COL5A1: variants seen among roughly 807,000 people sequenced by gnomAD.
COL5A1 encodes collagen type V alpha 1 chain, also known as collagen alpha-1(V) chain.
COL5A1 carries 16 observed loss-of-function variants against 263.7 expected under a neutral mutation model. That is an observed-to-expected ratio of 0.06 (90% CI 0.04 to 0.09). The LOEUF (loss-of-function observed/expected upper bound fraction) is 0.09. Among genes scored for constraint, COL5A1 ranks in the 10% least tolerant of loss-of-function variants. The probability of loss-of-function intolerance (pLI) is 1.00; values close to 1 mark genes in which losing one functional copy is unlikely to be tolerated. For missense variants in COL5A1, 2,036 were observed against 2,540.5 expected (o/e 0.80, Z 4.27); for synonymous variants, 1,012 against 1,004.5 (o/e 1.01, Z -0.14).
At chr9:134,708,979 G>A (rs1564402206) in intron 4 of COL5A1, 2 of 456,314 alleles carry the variant, frequency 4.4e-6, no homozygotes, top group Admixed American at 2.4e-5. Flanking sequence ...TTCCCCCTGT[G>A]TCTCTCTGTG....
At position 134,772,815 on chromosome 9, in the gene COL5A1, C is replaced by T; in HGVS notation, c.2312C>T (p.Pro771Leu). The T allele has an allele frequency of 6.2e-7, 1 of 1,614,028 alleles. No homozygotes were observed. The highest frequency in any genetic ancestry group is 8.5e-7 in the Non-Finnish European group (1 of 1,180,030). ...GGACACCCTGGCAAAGAAGGCCCTC[C>T]AGGAGAGAAAGGAGGTCAGGTGGGT... ...PPGHPGKEGP[P>L]GEKGGQGPPG... Residue 771 changes from proline to leucine, a missense_variant, in exon 26 of 66, where the codon CCA (proline) becomes CTA (leucine). Physicochemically the swap from Pro to Leu is moderately conservative, Grantham distance 98. Transcript: ENST00000371817.
At chr9:134,783,390 G>A (rs1367796267) in intron 29 of COL5A1, among the ~76,000 whole-genome samples, 11 of 152,224 alleles carry the variant, frequency 7.2e-5, no homozygotes, top group Admixed American at 7.2e-4. Flanking sequence ...CGGGCTGCAC[G>A]TTCCTGTAAT....
At chr9:134,718,654 G>A (rs781092398) in intron 4 of COL5A1, among the ~76,000 whole-genome samples, 6 of 152,180 alleles carry the variant, frequency 3.9e-5, no homozygotes, top group East Asian at 1.9e-4. Flanking sequence ...GGGAGCCCAC[G>A]GCCGTTCTGT....
At chr9:134,701,446 G>A in intron 4 of COL5A1, 113 bp downstream of exon 4, 2 of 1,024,862 alleles carry the variant, frequency 2.0e-6, no homozygotes, top group Non-Finnish European at 1.5e-6. Context: ...GCGGTCCACT[G>A]TGGTCACCGT....
intron 39 of COL5A1, 50 bp from the exon 40 acceptor site, chr9:134,804,925 A>C: frequency 6.6e-7 from 1 of 1,505,648 alleles, no homozygotes; most frequent in Non-Finnish European, 9.2e-7. Flanking sequence ...GGCTGGTGAG[A>C]GGTCTGCGTC....
intron 32 of COL5A1, among the ~76,000 whole-genome samples, chr9:134,790,576 A>G (rs1274330483): frequency 3.1e-5 from 2 of 65,262 alleles, no homozygotes; most frequent in African/African-American, 1.4e-4. Flanking sequence ...CCACCCATCC[A>G]TCCATCCATC....
chr9:134,783,458 A>G (rs7026153), intron 29 of COL5A1, among the ~76,000 whole-genome samples: 7,081 of 152,244 alleles, frequency 0.047, 526 homozygotes, highest in African/African-American at 0.16. Context: ...TAGAGCAGCC[A>G]GGGTGGCCAA....
chr9:134,708,164 A>G (rs1588456985), intron 4 of COL5A1, among the ~76,000 whole-genome samples: 1 of 152,234 alleles, frequency 6.6e-6, no homozygotes, highest in East Asian at 1.9e-4. Context: ...GGCTGGGCCA[A>G]CTCTGACTTC....
At chr9:134,781,073 G>A (rs1486550006) in intron 28 of COL5A1, among the ~76,000 whole-genome samples, 1 of 152,252 alleles carries the variant, frequency 6.6e-6, no homozygotes, top group Non-Finnish European at 1.5e-5. Context: ...CTCCTTATTT[G>A]CTACCTGTCG....
chr9:134,733,995 T>A (rs887837755), intron 9 of COL5A1, among the ~76,000 whole-genome samples: 1 of 152,068 alleles, frequency 6.6e-6, no homozygotes, highest in Admixed American at 6.5e-5. Flanking sequence ...CCCAGTTCGG[T>A]TTCCCCTCCC....
Position 134,751,133 on chromosome 9 carries a change from C to CAT in COL5A1, c.1662+251_1662+252insAT, listed in dbSNP as rs1564431676. ...CAGTGTCCAGTAGGGGCCCCGAGAG[C>CAT]GTGTCACTGTCCAGTAGGGACCCCG... On this transcript the variant is annotated intron_variant, in intron 13 of 65. Transcript: ENST00000371817. Among the ~76,000 whole-genome samples the CAT allele has an allele frequency of 5.3e-5, 8 of 150,908 alleles. No individual in the cohort carries two copies. In the East Asian group the frequency reaches 9.9e-4, roughly 19 times the overall value.
At chr9:134,771,274 A>G (rs1322638867) in intron 25 of COL5A1, among the ~76,000 whole-genome samples, 2 of 152,232 alleles carry the variant, frequency 1.3e-5, no homozygotes, top group African/African-American at 2.4e-5. Context: ...AGAAAGTGTA[A>G]TAAAGGGCCA....
At chr9:134,815,738 G>GACATT in intron 51 of COL5A1, 109 bp downstream of exon 51, 1 of 1,354,610 alleles carries the variant, frequency 7.4e-7, no homozygotes, top group Non-Finnish European at 1.0e-6. Context: ...CTCCCACTGG[G>GACATT]GCAGGCAATG....
chr9:134,809,367 G>A (rs1340140271), intron 43 of COL5A1, 77 bp downstream of exon 43: 1 of 1,146,928 alleles, frequency 8.7e-7, no homozygotes, highest in Non-Finnish European at 1.3e-6. Flanking sequence ...GAATTTAAAG[G>A]ACAGGATGCT....
At chr9:134,669,959 C>T (rs924271100) in intron 1 of COL5A1, among the ~76,000 whole-genome samples, 5 of 152,220 alleles carry the variant, frequency 3.3e-5, no homozygotes, top group Admixed American at 6.5e-5. Context: ...CTAAAAGGAA[C>T]GCATACTCAT....
chr9:134,730,094 A>T (rs1286240316), intron 6 of COL5A1, 142 bp from the exon 7 acceptor site: 8 of 1,280,214 alleles, frequency 6.2e-6, no homozygotes, highest in Non-Finnish European at 8.9e-6. Flanking sequence ...CCTGCACCCA[A>T]GAGGTCTCTG....
chr9:134,785,876 C>T, intron 30 of COL5A1, 119 bp from the exon 31 acceptor site: 1 of 910,508 alleles, frequency 1.1e-6, no homozygotes, highest in Non-Finnish European at 1.8e-6. Context: ...GTGCCCCCGC[C>T]TCTGGAAACC....
intron 60 of COL5A1, 45 bp from the exon 61 acceptor site, chr9:134,823,371 C>G: frequency 6.2e-7 from 1 of 1,608,992 alleles, no homozygotes. Flanking sequence ...TCAAAGTCCC[C>G]TCATACCTCT....
Position 134,789,137 on chromosome 9 carries a change from C to T in COL5A1, c.2647-18C>T, listed in dbSNP as rs1312389300. Reference sequence around the variant, plus strand: ...TCCTGGCCCAGCTCTGATGCCTCCTCCTTAAACTCTCTTTCAGGGCTCTAT... The same window carrying T: ...TCCTGGCCCAGCTCTGATGCCTCCTTCTTAAACTCTCTTTCAGGGCTCTAT... On this transcript the variant is annotated intron_variant, in intron 31 of 65. Coordinates refer to ENST00000371817, the MANE Select transcript of COL5A1 (RefSeq NM_000093.5). This position sits in a 1 kb window ranked among gnomAD's most constrained non-coding sequence, Gnocchi z 4.8. The T allele has an allele frequency of 1.2e-6, 2 of 1,612,242 alleles. No homozygotes were observed. The highest frequency in any genetic ancestry group is 1.3e-5 in the African/African-American group (1 of 74,870).
Sources: gnomAD v4.1 joint callset for allele counts (sites outside exome capture counted in the v4.1 genomes callset) on GRCh38, gnomAD v4.1.1 for gene constraint, Gnocchi (gnomAD v3.1) non-coding constraint, MANE v1.5 for transcripts, NCBI Gene and HGNC (gene_info 2026-07-23, HGNC 2026-07-21) for gene names.